The following DTNA variants were observed in gnomAD, a reference collection of about 807,000 sequenced individuals.
DTNA encodes the protein dystrobrevin alpha, also known as dystrophin-related protein 3.
A neutral mutation model predicts 100.7 loss-of-function variants in DTNA; 43 were observed. The ratio of observed to expected loss-of-function variants is 0.43; its 90% CI spans 0.33 to 0.55. The LOEUF (loss-of-function observed/expected upper bound fraction) is 0.55, where lower values mean the gene tolerates loss of function less well. DTNA is among the 20% of genes least tolerant of loss of function. DTNA has a pLI of 0.04. For missense variants in DTNA, 798 were observed against 953.9 expected, an observed-to-expected ratio of 0.84 and a Z score of 2.15; for synonymous variants, 349 against 347.9, an observed-to-expected ratio of 1.00 and a Z score of -0.04.
intron 22 of DTNA, among the ~76,000 whole-genome samples, chr18:34,887,403 G>A (rs2096931432): frequency 6.6e-6 from 1 of 152,192 alleles, no homozygotes; most frequent in African/African-American, 2.4e-5. Context: ...ACCATCCAAA[G>A]TAGATTTTTT....
intron 1 of DTNA, among the ~76,000 whole-genome samples, chr18:34,572,635 C>G (rs755773343): frequency 6.6e-6 from 1 of 152,144 alleles, no homozygotes; most frequent in Non-Finnish European, 1.5e-5. Context: ...GTCTCCCCAG[C>G]CTTCCCATCA....
At chr18:34,842,101 C>T (rs1288639832) in intron 13 of DTNA, among the ~76,000 whole-genome samples, 1 of 152,096 alleles carries the variant, frequency 6.6e-6, no homozygotes, top group Non-Finnish European at 1.5e-5. Context: ...CTACCCTCCC[C>T]CAAAGCTTGT....
chr18:34,682,987 T>G (rs1025134633), intron 1 of DTNA, among the ~76,000 whole-genome samples: 8 of 152,156 alleles, frequency 5.3e-5, no homozygotes, highest in African/African-American at 1.9e-4. Context: ...TTCAGGTATA[T>G]CCCAAGTATT....
chr18:34,613,278 A>G (rs2054585264), intron 1 of DTNA, among the ~76,000 whole-genome samples: 2 of 152,096 alleles, frequency 1.3e-5, no homozygotes, highest in South Asian at 4.1e-4. Flanking sequence ...TTCTCTCCCT[A>G]TCCTCCAACC....
chr18:34,797,172 A>T (rs1180345847), intron 4 of DTNA, among the ~76,000 whole-genome samples: 2 of 152,036 alleles, frequency 1.3e-5, no homozygotes, highest in African/African-American at 4.8e-5. Flanking sequence ...AGTCCAGAAG[A>T]TTTTTGTTTT....
Position 34,889,596 on chromosome 18 carries a change from T to A in DTNA, c.*1862T>A. The A allele has an allele frequency of 1.0e-6, 1 of 985,470 alleles. No individual in the cohort carries two copies. The highest frequency in any genetic ancestry group is 1.7e-5 in the African/African-American group (1 of 57,334). 61.0% of individuals were successfully genotyped at this position (985,470 alleles called of 1,614,324 possible). ...AGTCCTGACATCTTCATGCCCCCTC[T>A]GCAGAGGGCGGCTGTACGATGTTCA... On this transcript the variant is annotated 3_prime_UTR_variant, in exon 23 of 23. Transcript: ENST00000444659.
In DTNA at chr18:34,710,308, A is replaced by G. The variant is rs2082651058; in HGVS notation, c.-139A>G. On this transcript the variant is annotated 5_prime_UTR_variant, in exon 1 of 23. Coordinates refer to ENST00000444659, the MANE Select transcript of DTNA (RefSeq NM_001386795.1). Reference sequence around the variant, plus strand: ...GTTGAGCACAAGGGGAAGAATGAACACAGCTTTTTATTGAAGTTAAAGGTT... The same window carrying G: ...GTTGAGCACAAGGGGAAGAATGAACGCAGCTTTTTATTGAAGTTAAAGGTT... 6.6e-6 allele frequency: 1 copy of G among 152,238 alleles called. No individual in the cohort carries two copies. Among genetic ancestry groups the G allele is most frequent in the Non-Finnish European group, 1.5e-5 (1 of 68,054 alleles). 9.4% of individuals were successfully genotyped at this position (152,238 alleles called of 1,614,324 possible). A position where few individuals can be genotyped will look rare whatever the true frequency, so the allele number is the denominator to read the frequency against.
At chr18:34,701,785 C>A (rs967841900) in intron 1 of DTNA, among the ~76,000 whole-genome samples, 3 of 152,142 alleles carry the variant, frequency 2.0e-5, no homozygotes, top group African/African-American at 7.2e-5. Flanking sequence ...TTCCCACATT[C>A]AATCTGTGAC....
intron 15 of DTNA, among the ~76,000 whole-genome samples, chr18:34,853,985 G>A (rs1337374320): frequency 1.3e-5 from 2 of 152,214 alleles, no homozygotes; most frequent in African/African-American, 4.8e-5. Flanking sequence ...GAAAAGGGTA[G>A]TTGGGGGATG....
intron 5 of DTNA, among the ~76,000 whole-genome samples, chr18:34,810,953 A>T (rs1286136693): frequency 2.0e-5 from 3 of 152,214 alleles, no homozygotes; most frequent in Non-Finnish European, 4.4e-5. Context: ...CCATAATCCG[A>T]TAAAAGCCTC....
intron 1 of DTNA, among the ~76,000 whole-genome samples, chr18:34,742,858 C>T (rs2090955314): frequency 6.6e-6 from 1 of 152,036 alleles, no homozygotes. Flanking sequence ...TTATGACATT[C>T]AATGAATGAA....
At chr18:34,508,053 T>C (rs1375991372) in intron 1 of DTNA, among the ~76,000 whole-genome samples, 1 of 152,184 alleles carries the variant, frequency 6.6e-6, no homozygotes, top group Non-Finnish European at 1.5e-5. Context: ...TTAATGATTA[T>C]GCAATTATTT....
At chr18:34,511,134 T>C (rs1013254304) in intron 1 of DTNA, among the ~76,000 whole-genome samples, 2 of 152,104 alleles carry the variant, frequency 1.3e-5, no homozygotes, top group Non-Finnish European at 2.9e-5. Flanking sequence ...AGAATTGTCA[T>C]TGTTACTAGG....
At chr18:34,725,400 GAA>G (rs557026859) in intron 1 of DTNA, among the ~76,000 whole-genome samples, 16,391 of 131,968 alleles carry the variant, frequency 0.12, 1,260 homozygotes, top group African/African-American at 0.23. Flanking sequence ...AAATTTACAA[GAA>G]AAAAAAAAAA....
In DTNA at chr18:34,851,815, A is replaced by G. The variant is rs962370436; in HGVS notation, c.1435-16A>G. ...ACATTCTCAATATGAAATCTTATAA[A>G]CTACATATTTTACAGCAGCCACCTC... On this transcript the variant is annotated splice_polypyrimidine_tract_variant and intron_variant, in intron 14 of 22. Transcript: ENST00000444659. 4.3e-6 allele frequency: 7 copies of G among 1,613,232 alleles called. No homozygotes were observed. Among genetic ancestry groups the G allele is most frequent in the Non-Finnish European group, 5.1e-6 (6 of 1,179,410 alleles).
intron 1 of DTNA, among the ~76,000 whole-genome samples, chr18:34,720,985 CATA>C (rs2146947576): frequency 6.6e-6 from 1 of 152,222 alleles, no homozygotes; most frequent in Admixed American, 6.5e-5. Flanking sequence ...TTTTATCAAC[CATA>C]ATAACTAAAT....
At chr18:34,680,126 G>C (rs1400565445) in intron 1 of DTNA, among the ~76,000 whole-genome samples, 1 of 152,068 alleles carries the variant, frequency 6.6e-6, no homozygotes, top group African/African-American at 2.4e-5. Context: ...TAAAAGTAGG[G>C]CATGGTTAAG....
At chr18:34,612,018 A>C (rs2054309680) in intron 1 of DTNA, among the ~76,000 whole-genome samples, 1 of 152,160 alleles carries the variant, frequency 6.6e-6, no homozygotes, top group Non-Finnish European at 1.5e-5. Flanking sequence ...CTATGAGTGC[A>C]TTCTGTGGGC....
Position 34,890,061 on chromosome 18 carries a change from A to T in DTNA, c.*2327A>T. 3.0e-6 allele frequency: 4 copies of T among 1,337,954 alleles called. No individual in the cohort carries two copies. Among genetic ancestry groups the T allele is most frequent in the Non-Finnish European group, 3.8e-6 (4 of 1,046,534 alleles). 82.9% of individuals were successfully genotyped at this position (1,337,954 alleles called of 1,614,324 possible). A position where few individuals can be genotyped will look rare whatever the true frequency, so the allele number is the denominator to read the frequency against. On this transcript the variant is annotated 3_prime_UTR_variant, in exon 23 of 23. Coordinates refer to ENST00000444659, the MANE Select transcript of DTNA (RefSeq NM_001386795.1). Reference sequence around the variant, plus strand: ...TCAGAACTTAAATCCTGCACGTGGCACTCCACCACTGACTGGACCGAGCTG... The same window carrying T: ...TCAGAACTTAAATCCTGCACGTGGCTCTCCACCACTGACTGGACCGAGCTG...
Sources: gnomAD v4.1 joint callset for allele counts (sites outside exome capture counted in the v4.1 genomes callset) on GRCh38, gnomAD v4.1.1 for gene constraint, MANE v1.5 for transcripts, NCBI Gene and HGNC (gene_info 2026-07-23, HGNC 2026-07-21) for gene names.